Variants in INPP4B observed in about 807,000 individuals in gnomAD.
INPP4B encodes the protein inositol polyphosphate-4-phosphatase type II B, also known as inositol polyphosphate 4-phosphatase type II.
INPP4B carries 55 observed loss-of-function variants against 122.5 expected under a neutral mutation model. The observed-to-expected ratio is 0.45, with a 90% CI of 0.36 to 0.56. INPP4B has a LOEUF of 0.56. INPP4B is among the 20% of genes least tolerant of loss of function. INPP4B has a pLI of 0.00. For missense variants in INPP4B, 1,000 were observed against 1,097.7 expected, an observed-to-expected ratio of 0.91 and a Z score of 1.26; for synonymous variants, 403 against 388.7, an observed-to-expected ratio of 1.04 and a Z score of -0.43.
intron 7 of INPP4B, among the ~76,000 whole-genome samples, chr4:142,382,839 A>G (rs67111439): frequency 0.19 from 29,322 of 150,942 alleles, 3,707 homozygotes; most frequent in African/African-American, 0.36. Context: ...CCAAATTTTA[A>G]ATAATTTTCT....
At chr4:142,310,069 C>G (rs980543297) in intron 8 of INPP4B, among the ~76,000 whole-genome samples, 2 of 152,110 alleles carry the variant, frequency 1.3e-5, no homozygotes, top group Non-Finnish European at 2.9e-5. Flanking sequence ...ATGGCCACAG[C>G]TGGCCAAACC....
intron 2 of INPP4B, among the ~76,000 whole-genome samples, chr4:142,622,277 T>C (rs1358745046): frequency 6.6e-6 from 1 of 151,682 alleles, no homozygotes; most frequent in East Asian, 1.9e-4. Flanking sequence ...TTTGATAAAG[T>C]CAGGGGTTTC....
intron 2 of INPP4B, among the ~76,000 whole-genome samples, chr4:142,703,196 A>T (rs1264633776): frequency 6.6e-6 from 1 of 152,188 alleles, no homozygotes; most frequent in Non-Finnish European, 1.5e-5. Flanking sequence ...GTTAATGTAA[A>T]TGAAACTCTC....
At chr4:142,469,365 A>C (rs1818400448) in intron 2 of INPP4B, among the ~76,000 whole-genome samples, 1 of 152,106 alleles carries the variant, frequency 6.6e-6, no homozygotes, top group South Asian at 2.1e-4. Flanking sequence ...AGAAGCTATA[A>C]AGAGAAGTAA....
chr4:142,371,846 A>G (rs1256827713), intron 7 of INPP4B, among the ~76,000 whole-genome samples: 4 of 151,928 alleles, frequency 2.6e-5, no homozygotes, highest in Non-Finnish European at 5.9e-5. Context: ...ATAAATTAGT[A>G]CAGCCATTAT....
intron 16 of INPP4B, among the ~76,000 whole-genome samples, chr4:142,166,573 C>T (rs543049262): frequency 9.2e-5 from 14 of 151,716 alleles, no homozygotes; most frequent in Middle Eastern, 3.4e-3. Context: ...TTCTGAACAA[C>T]GAAAGGAACT....
intron 2 of INPP4B, among the ~76,000 whole-genome samples, chr4:142,533,467 A>G (rs887756276): frequency 6.6e-6 from 1 of 151,168 alleles, no homozygotes; most frequent in African/African-American, 2.4e-5. Flanking sequence ...AAAAATATTT[A>G]TTTTTTTTTT....
chr4:142,153,129 GA>G (rs1815230157), intron 17 of INPP4B, among the ~76,000 whole-genome samples: 1 of 152,148 alleles, frequency 6.6e-6, no homozygotes, highest in Non-Finnish European at 1.5e-5. Flanking sequence ...TTTAATAAGT[GA>G]AAAAATTCCA....
rs1175163211 is a variant in INPP4B, at chr4:142,061,934, ATATAT to A, written c.2642+20092_2642+20096del. Among the ~76,000 whole-genome samples the A allele has an allele frequency of 3.0e-3, 290 of 98,072 alleles. 6 individuals carry two copies. Among genetic ancestry groups the A allele is most frequent in the African/African-American group, 0.011 (274 of 24,216 alleles). The allele number at this position is 98,072 out of a possible 152,430, so 64.3% of individuals were successfully genotyped here. A position where few individuals can be genotyped will look rare whatever the true frequency, so the allele number is the denominator to read the frequency against. On this transcript the variant is annotated intron_variant, in intron 25 of 25. Coordinates refer to ENST00000262992, the MANE Select transcript of INPP4B (RefSeq NM_001101669.3). ...TATATATATATATATATATATATAT[ATATAT>A]ATCTGTAACTTTGGTCTCCAAAGCA...
At chr4:142,333,010 C>CA (rs1158290884) in intron 7 of INPP4B, among the ~76,000 whole-genome samples, 5,082 of 42,346 alleles carry the variant, frequency 0.12, 310 homozygotes, top group African/African-American at 0.17. Context: ...GACTCCGTCT[C>CA]AAAAAAAAAA....
chr4:142,034,543 C>G (rs918511078), intron 25 of INPP4B, among the ~76,000 whole-genome samples: 4 of 152,068 alleles, frequency 2.6e-5, no homozygotes, highest in African/African-American at 9.7e-5. Context: ...GCCCAACTCC[C>G]TTCCAGCCCT....
At chr4:142,038,291 G>A (rs531540449) in intron 25 of INPP4B, among the ~76,000 whole-genome samples, 5 of 152,140 alleles carry the variant, frequency 3.3e-5, no homozygotes, top group South Asian at 2.1e-4. Context: ...GTGGTCATAG[G>A]ATCCCCAGCC....
chr4:142,764,066 A>G (rs918289012), intron 1 of INPP4B, among the ~76,000 whole-genome samples: 3 of 143,598 alleles, frequency 2.1e-5, no homozygotes, highest in African/African-American at 5.2e-5. Flanking sequence ...ATAATTTATG[A>G]GAGCGTAAAT....
intron 7 of INPP4B, among the ~76,000 whole-genome samples, chr4:142,315,556 G>A (rs1336750423): frequency 2.6e-5 from 4 of 151,780 alleles, no homozygotes; most frequent in East Asian, 3.9e-4. Flanking sequence ...CTCTTGGTGC[G>A]CCTCCATGCC....
chr4:142,643,027 G>A (rs1235321834), intron 2 of INPP4B, among the ~76,000 whole-genome samples: 1 of 152,132 alleles, frequency 6.6e-6, no homozygotes, highest in South Asian at 2.1e-4. Flanking sequence ...TCACTTTGAA[G>A]CAATTGTGAA....
At chr4:142,396,098 C>CA (rs765232572) in intron 7 of INPP4B, among the ~76,000 whole-genome samples, 7 of 150,986 alleles carry the variant, frequency 4.6e-5, no homozygotes, top group South Asian at 2.1e-4. Flanking sequence ...ACCATGAATG[C>CA]AAAAAAAATT....
At chr4:142,679,202 C>T (rs961818331) in intron 2 of INPP4B, among the ~76,000 whole-genome samples, 1 of 151,828 alleles carries the variant, frequency 6.6e-6, no homozygotes, top group African/African-American at 2.4e-5. Flanking sequence ...ATATTATACA[C>T]CTGCATGTGA....
intron 1 of INPP4B, among the ~76,000 whole-genome samples, chr4:142,738,601 A>T (rs1488053758): frequency 4.9e-5 from 7 of 141,582 alleles, no homozygotes; most frequent in Non-Finnish European, 9.5e-5. Context: ...TAAAACTTAA[A>T]GTATAATAAA....
chr4:142,582,240 A>AG (rs2150207074), intron 2 of INPP4B, among the ~76,000 whole-genome samples: 1 of 152,276 alleles, frequency 6.6e-6, no homozygotes, highest in Non-Finnish European at 1.5e-5. Context: ...GTTGTAAAAA[A>AG]GTAAATGTTA....
Sources: allele counts gnomAD v4.1 joint callset (sites outside exome capture counted in the v4.1 genomes callset), GRCh38; gene constraint gnomAD v4.1.1; transcripts MANE v1.5; gene names NCBI Gene and HGNC (gene_info 2026-07-23, HGNC 2026-07-21).